Variants in SUGP2 observed in about 807,000 individuals in gnomAD.
SUGP2 encodes the protein SURP and G-patch domain containing 2.
In SUGP2, 24 loss-of-function variants were observed where a neutral mutation model predicts 90.5. The ratio of observed to expected loss-of-function variants is 0.27; its 90% confidence interval spans 0.19 to 0.37. The LOEUF (loss-of-function observed/expected upper bound fraction) is 0.37. SUGP2 is among the 10% of genes least tolerant of loss of function. SUGP2 has a pLI of 1.00. For missense variants in SUGP2, 1,233 were observed against 1,363.3 expected, an observed-to-expected ratio of 0.90 and a Z score of 1.51; for synonymous variants, 473 against 513.4, an observed-to-expected ratio of 0.92 and a Z score of 1.06.
intron 10 of SUGP2, chr19:18,994,023 G>A: frequency 5.4e-6 from 1 of 184,024 alleles, no homozygotes; most frequent in Non-Finnish European, 1.1e-5. Flanking sequence ...ATCTGTGAGA[G>A]AAAACTTGAG....
chr19:19,009,643 A>C (rs2058225221), intron 5 of SUGP2, among the ~76,000 whole-genome samples: 1 of 152,206 alleles, frequency 6.6e-6, no homozygotes, highest in African/African-American at 2.4e-5. Context: ...CTCCGCTCTC[A>C]GAAGAGGAGG....
At position 19,010,275 on chromosome 19, in the gene SUGP2, T is replaced by C. The variant is rs144681268; in HGVS notation, c.1918A>G (p.Met640Val). 418 of 1,614,024 alleles carry C rather than the reference T, an allele frequency of 2.6e-4. No homozygotes were observed. In the African/African-American group the frequency reaches 5.1e-3, roughly 20 times the overall value. The change falls in exon 5 of 11, where the codon ATG becomes GTG. Residue 640 changes from methionine to valine, a missense_variant. Physicochemically the swap from Met to Val is conservative, Grantham distance 21 (BLOSUM62 1). This residue lies in a region of SUGP2 where 540 missense variants were observed against 542.6 expected (regional missense o/e 1.00). Transcript: ENST00000452918. ...YKLKLAEMQRMSENLRGADQK... is the reference protein window; with the variant it reads ...YKLKLAEMQRVSENLRGADQK... ...TCGGCTCCTCGCAAGTTCTCGCTCA[T>C]CCGCTGCATTTCTGCCAACTTCAGC...
intron 6 of SUGP2, among the ~76,000 whole-genome samples, chr19:19,007,853 G>A (rs569142248): frequency 2.7e-5 from 4 of 145,690 alleles, no homozygotes; most frequent in Non-Finnish European, 6.0e-5. Context: ...TCCGCCTCCC[G>A]GGTTTAAGCG....
chr19:19,002,505 GTTTTTTTTTTTT>G (rs58282570), intron 7 of SUGP2, among the ~76,000 whole-genome samples: 4 of 61,102 alleles, frequency 6.5e-5, no homozygotes, highest in Admixed American at 5.2e-4. Flanking sequence ...TAGCAAGTCT[GTTTTTTTTTTTT>G]TTTTTTTTTT....
Position 19,004,474 on chromosome 19 carries a change from C to G in SUGP2, c.2623G>C (p.Glu875Gln), listed in dbSNP as rs750180396. Residue 875 changes from glutamate (E) to glutamine (Q), a missense_variant, in exon 7 of 11, where the codon GAA becomes CAA. Coordinates refer to ENST00000452918, the MANE Select transcript of SUGP2 (RefSeq NM_001017392.5). ...GCCTCCCGCGGAGGGGGCTCGTCTT[C>G]AAACTCTGCTTCCCCTTCCATGAGG... The part of the protein sequence containing the change: ...VDLMEGEAEF[E>Q]DEPPPREAEL... 4 of 1,614,234 alleles carry G rather than the reference C, an allele frequency of 2.5e-6. No individual in the cohort carries two copies. Among genetic ancestry groups the G allele is most frequent in the Non-Finnish European group, 3.4e-6 (4 of 1,180,044 alleles).
rs576092642 is a variant in SUGP2, at chr19:19,002,937, C to T, written c.2929+1231G>A. Among the ~76,000 whole-genome samples, 33 of 152,106 alleles carry T rather than the reference C, an allele frequency of 2.2e-4. No individual in the cohort carries two copies. In the East Asian group the frequency reaches 2.7e-3, roughly 12 times the overall value. Reference sequence around the variant, plus strand: ...GCACTCTGATACACTACCTGCCATCCGTGACAAGTTTAATTATTTACTTCA... The same window carrying T: ...GCACTCTGATACACTACCTGCCATCTGTGACAAGTTTAATTATTTACTTCA... On this transcript the variant is annotated intron_variant, in intron 7 of 10. Transcript: ENST00000452918.
rs774420315 is a variant in SUGP2, at chr19:19,030,166, C to CA, written c.121+784dup. Among the ~76,000 whole-genome samples, 14 of 150,630 alleles carry CA rather than the reference C, an allele frequency of 9.3e-5. No homozygotes were observed. The East Asian group carries it at 1.2e-3, about 13-fold the overall frequency. On this transcript the variant is annotated intron_variant, in intron 2 of 10. Transcript: ENST00000452918. ...CATATCTATTAAAAAAAACAAAAAACAAAAAAAACAAAAACATAAAAAACA... is the reference window on the plus strand; with the variant it reads ...CATATCTATTAAAAAAAACAAAAAACAAAAAAAAACAAAAACATAAAAAACA...
chr19:19,006,246 T>C (rs2058075095), intron 6 of SUGP2, among the ~76,000 whole-genome samples: 1 of 143,662 alleles, frequency 7.0e-6, no homozygotes, highest in Non-Finnish European at 1.5e-5. Flanking sequence ...ATAAAACGGA[T>C]TGTATGACAA....
rs144288859 is a variant in SUGP2, at chr19:19,010,050, G to A, written c.2143C>T (p.Arg715Trp). The change falls in exon 5 of 11, where the codon CGG (arginine) becomes TGG (tryptophan). Residue 715 changes from arginine (R) to tryptophan (W), a missense_variant. Transcript: ENST00000452918. The part of the protein sequence containing the change: ...SSGTRLKHHG[R>W]QAPGLSQAKP... Reference sequence around the variant, plus strand: ...GCCTGTGAGAGGCCTGGAGCCTGCCGGCCGTGGTGTTTCAGCCTGGTGCCT... The same window carrying A: ...GCCTGTGAGAGGCCTGGAGCCTGCCAGCCGTGGTGTTTCAGCCTGGTGCCT... 5.3e-5 allele frequency: 85 copies of A among 1,613,916 alleles called. No homozygotes were observed. The highest frequency in any genetic ancestry group is 6.9e-5 in the Non-Finnish European group (81 of 1,180,018).
chr19:18,997,893 G>A (rs567307841), intron 8 of SUGP2, among the ~76,000 whole-genome samples: 1 of 152,084 alleles, frequency 6.6e-6, no homozygotes, highest in Non-Finnish European at 1.5e-5. Flanking sequence ...CAAAGCACAG[G>A]AGGAAGCTGT....
chr19:19,021,437 T>G (rs896296199), intron 3 of SUGP2, among the ~76,000 whole-genome samples: 1 of 152,096 alleles, frequency 6.6e-6, no homozygotes, highest in Non-Finnish European at 1.5e-5. Flanking sequence ...ACAGAGCTAC[T>G]AGTTTTACAT....
chr19:18,996,682 A>C (rs2057606486), intron 8 of SUGP2, among the ~76,000 whole-genome samples: 1 of 152,108 alleles, frequency 6.6e-6, no homozygotes, highest in African/African-American at 2.4e-5. Context: ...CCTCCCGAGT[A>C]GCTGAGATTA....
At position 19,010,106 on chromosome 19, in the gene SUGP2, G is replaced by A. The variant is rs780441200; in HGVS notation, c.2087C>T (p.Ala696Val). 1.7e-5 allele frequency: 27 copies of A among 1,611,732 alleles called. No individual in the cohort carries two copies. In the Admixed American group the frequency reaches 2.7e-4, roughly 16 times the overall value. Residue 696 changes from alanine (A) to valine (V), a missense_variant, in exon 5 of 11, where the codon GCG (alanine) becomes GTG (valine). By Grantham distance (64) the Ala-to-Val change is moderately conservative. Transcript: ENST00000452918. ...QGLRGWKARR[A>V]TTGTQTLLSS... ...TAGGAGGGTCTGGGTCCCGGTGGTC[G>A]CTCTCCTCGCCTTCCAGCCCCGGAG... is the stretch of plus-strand genomic sequence containing the variant.
intron 7 of SUGP2, among the ~76,000 whole-genome samples, chr19:19,002,208 C>A (rs994620333): frequency 6.6e-6 from 1 of 152,052 alleles, no homozygotes; most frequent in Non-Finnish European, 1.5e-5. Context: ...GGCGAAACCC[C>A]GTCTCTACTA....
intron 5 of SUGP2, 43 bp from the exon 6 acceptor site, chr19:19,008,471 C>T: frequency 6.7e-7 from 1 of 1,491,932 alleles, no homozygotes; most frequent in Non-Finnish European, 9.4e-7. Context: ...TCCTGAGCTG[C>T]TGCTCCCCGT....
intron 3 of SUGP2, among the ~76,000 whole-genome samples, chr19:19,023,231 A>G (rs145149101): frequency 2.6e-4 from 40 of 152,310 alleles, no homozygotes; most frequent in African/African-American, 9.1e-4. Flanking sequence ...ACATCCCTCA[A>G]TACAGCTCAA....
Position 19,026,104 on chromosome 19 carries a change from T to C in SUGP2, c.244A>G (p.Ser82Gly), listed in dbSNP as rs373340429. ...SRDAGREGLR[S>G]DVFPGPSFRS... ...AAGGAAGGCCCTGGAAATACGTCAC[T>C]TCTCAGGCCTTCTCTTCCGGCATCT... The change falls in exon 3 of 11, where the codon AGT becomes GGT. Residue 82 changes from serine to glycine, a missense_variant. Ser to Gly is a moderately conservative substitution (Grantham distance 56). Around this residue, in one of 8 missense-constraint regions of SUGP2, gnomAD observed 418 missense variants for 399.9 expected, o/e 1.05. Coordinates refer to ENST00000452918, the MANE Select transcript of SUGP2 (RefSeq NM_001017392.5). 1.9e-6 allele frequency: 3 copies of C among 1,614,160 alleles called. No homozygotes were observed. In the South Asian group the frequency reaches 3.3e-5, roughly 18 times the overall value.
At chr19:19,015,270 T>C (rs929490541) in intron 4 of SUGP2, among the ~76,000 whole-genome samples, 1 of 152,136 alleles carries the variant, frequency 6.6e-6, no homozygotes, top group African/African-American at 2.4e-5. Flanking sequence ...CCGTGAGAAG[T>C]AGTTTGAAGA....
intron 6 of SUGP2, 135 bp downstream of exon 6, chr19:19,008,182 T>C: frequency 1.3e-6 from 1 of 759,750 alleles, no homozygotes; most frequent in African/African-American, 1.7e-5. Flanking sequence ...AGCACACCTG[T>C]GGTCCCAGCT....
Sources: gnomAD v4.1 joint callset for allele counts (sites outside exome capture counted in the v4.1 genomes callset) on GRCh38, gnomAD v4.1.1 for gene constraint, gnomAD v4.1.1 regional missense constraint, MANE v1.5 for transcripts, NCBI Gene and HGNC (gene_info 2026-07-23, HGNC 2026-07-21) for gene names.